Variants in MYADM observed in about 807,000 individuals in gnomAD.
MYADM encodes myeloid-associated differentiation marker.
For synonymous variants in MYADM, 224 were observed against 210.2 expected, an observed-to-expected ratio of 1.07 and a Z score of -0.57; for missense variants, 416 against 443.4, an observed-to-expected ratio of 0.94 and a Z score of 0.56.
At position 53,873,785 on chromosome 19, in the gene MYADM, G is replaced by C. The variant is rs372756587; in HGVS notation, c.256G>C (p.Glu86Gln). ...CGTGACCCTGATCATCCTCATCGTG[G>C]AGCTGTGCGGGCTCCAGGCCCGCTT... ...FSVTLIILIV[E>Q]LCGLQARFPL... The change falls in exon 3 of 3, where the codon GAG becomes CAG. Residue 86 changes from glutamate to glutamine, a missense_variant. By Grantham distance (29) the Glu-to-Gln change is conservative. Coordinates refer to ENST00000391770, the MANE Select transcript of MYADM (RefSeq NM_138373.5). This position sits in a 1 kb window ranked among gnomAD's most constrained non-coding sequence, Gnocchi z 4.3. The C allele has an allele frequency of 8.7e-6, 14 of 1,613,718 alleles. No homozygotes were observed. The highest frequency in any genetic ancestry group is 1.0e-5 in the Non-Finnish European group (12 of 1,180,040).
intron 2 of MYADM, chr19:53,872,574 A>C (rs2068414522): frequency 6.6e-6 from 1 of 151,608 alleles, no homozygotes; most frequent in Non-Finnish European, 1.5e-5. Flanking sequence ...CTGGTGCATC[A>C]CAGCTCACTG....
chr19:53,872,415 C>T (rs1018615710), intron 2 of MYADM, among the ~76,000 whole-genome samples: 6 of 151,964 alleles, frequency 3.9e-5, no homozygotes, highest in African/African-American at 1.5e-4. Flanking sequence ...AGGCTGGTCT[C>T]CAACTCCTGA....
chr19:53,874,383 A>G lies in MYADM; in HGVS notation c.854A>G (p.Tyr285Cys), dbSNP rs374645022. Residue 285 changes from tyrosine to cysteine, a missense_variant, in exon 3 of 3, where the codon TAC (tyrosine) becomes TGC (cysteine). Coordinates refer to ENST00000391770, the MANE Select transcript of MYADM (RefSeq NM_138373.5). ...RDVSCSRSHA[Y>C]YVCAWDRRLA... is the part of the protein sequence containing the mutation. ...GTAAGCTGCAGCCGCAGCCATGCCTACTACGTGTGTGCCTGGGACCGCCGA... is the reference window on the plus strand; with the variant it reads ...GTAAGCTGCAGCCGCAGCCATGCCTGCTACGTGTGTGCCTGGGACCGCCGA... 1.2e-6 allele frequency: 2 copies of G among 1,614,100 alleles called. No homozygotes were observed. Among genetic ancestry groups the G allele is most frequent in the African/African-American group, 1.3e-5 (1 of 74,946 alleles).
At position 53,873,357 on chromosome 19, in the gene MYADM, G is replaced by A. The variant is rs1473809884; in HGVS notation, c.-2-171G>A. Reference sequence around the variant, plus strand: ...AATGCACTCCAGCCTGGGCCACAGAGCAAGACTCTGTCTCAAAAAAAAAAA... The same window carrying A: ...AATGCACTCCAGCCTGGGCCACAGAACAAGACTCTGTCTCAAAAAAAAAAA... On this transcript the variant is annotated intron_variant, in intron 2 of 2. Transcript: ENST00000391770. The surrounding 1 kb of genome is among the most constrained non-coding windows in gnomAD (Gnocchi z 4.3). Among the ~76,000 whole-genome samples the A allele has an allele frequency of 6.7e-6, 1 of 149,874 alleles. No individual in the cohort carries two copies. The highest frequency in any genetic ancestry group is 1.5e-5 in the Non-Finnish European group (1 of 67,792).
chr19:53,871,175 G>T (rs1014852174), intron 2 of MYADM, among the ~76,000 whole-genome samples: 1 of 152,124 alleles, frequency 6.6e-6, no homozygotes, highest in African/African-American at 2.4e-5. Flanking sequence ...AGGTTGCCGT[G>T]AGTCAAGATC....
chr19:53,868,575 TGGGAAA>T lies in MYADM; in HGVS notation c.-88+635_-88+640del, dbSNP rs919840687. On this transcript the variant is annotated intron_variant, in intron 1 of 2. Transcript: ENST00000391770. This position sits in a 1 kb window ranked among gnomAD's most constrained non-coding sequence, Gnocchi z 6.3. ...CGTGCTTCCGAAGTGCAGAAGGAGCTGGGAAAGGAGGAGAAGACAGGGCTGCGTCCC... is the reference window on the plus strand; with the variant it reads ...CGTGCTTCCGAAGTGCAGAAGGAGCTGGAGGAGAAGACAGGGCTGCGTCCC... Among the ~76,000 whole-genome samples the T allele has an allele frequency of 6.6e-6, 1 of 151,834 alleles. No homozygotes were observed. Among genetic ancestry groups the T allele is most frequent in the African/African-American group, 2.4e-5 (1 of 41,304 alleles).
intron 1 of MYADM, chr19:53,869,430 G>A (rs1057466775): frequency 6.6e-6 from 1 of 152,406 alleles, no homozygotes; most frequent in Non-Finnish European, 1.5e-5. Context: ...CTTATAAGGC[G>A]CGGAGACACC....
In MYADM at chr19:53,873,625, G is replaced by A; in HGVS notation, c.96G>A (p.Leu32=). The A allele has an allele frequency of 6.2e-7, 1 of 1,614,178 alleles. No homozygotes were observed. The highest frequency in any genetic ancestry group is 8.5e-7 in the Non-Finnish European group (1 of 1,180,042). The change falls in exon 3 of 3, where the codon CTG becomes CTA. Residue 32 remains leucine (L), a synonymous_variant. Coordinates refer to ENST00000391770, the MANE Select transcript of MYADM (RefSeq NM_138373.5). This position sits in a 1 kb window ranked among gnomAD's most constrained non-coding sequence, Gnocchi z 4.3. ...TGATCGTGGGGTCCCCTCGGGCCCT[G>A]ACACAGCCCCTGGGTCTCCTTCGCC... ...SPMIVGSPRA[L]TQPLGLLRLL... is the part of the protein sequence containing the mutation.
intron 2 of MYADM, among the ~76,000 whole-genome samples, chr19:53,871,473 G>A (rs930192301): frequency 1.3e-5 from 2 of 152,170 alleles, no homozygotes; most frequent in African/African-American, 2.4e-5. Flanking sequence ...TCAGGTGGGA[G>A]TTAGACTGAG....
intron 2 of MYADM, among the ~76,000 whole-genome samples, chr19:53,872,017 G>A (rs2068399562): frequency 6.6e-6 from 1 of 151,974 alleles, no homozygotes; most frequent in East Asian, 1.9e-4. Flanking sequence ...TCCTGCCTCA[G>A]CCTCCCAAGT....
chr19:53,870,997 A>G (rs918061058), intron 2 of MYADM, among the ~76,000 whole-genome samples: 2 of 152,136 alleles, frequency 1.3e-5, no homozygotes, highest in African/African-American at 4.8e-5. Flanking sequence ...TTGGGAGGCC[A>G]AGGCGGGCGG....
chr19:53,867,261 C>T (rs1304383745), upstream of MYADM, among the ~76,000 whole-genome samples: 1 of 152,126 alleles, frequency 6.6e-6, no homozygotes, highest in African/African-American at 2.4e-5. Flanking sequence ...CCCAGAACCA[C>T]CTAAAGCCCA....
chr19:53,867,366 CT>C (rs2068260174), upstream of MYADM, among the ~76,000 whole-genome samples: 1 of 151,900 alleles, frequency 6.6e-6, no homozygotes, highest in African/African-American at 2.4e-5. Context: ...CCCCAATCCG[CT>C]GCGACCCAGG....
In MYADM at chr19:53,874,157, T is replaced by A; in HGVS notation, c.628T>A (p.Tyr210Asn). The A allele has an allele frequency of 6.2e-7, 1 of 1,613,834 alleles. No homozygotes were observed. The highest frequency in any genetic ancestry group is 1.1e-5 in the South Asian group (1 of 91,088). ...QPALEWCVAV[Y>N]AICFILAAIA... is the part of the protein sequence containing the mutation. ...GGCCCTGGAGTGGTGCGTGGCGGTG[T>A]ACGCCATCTGCTTCATCCTAGCGGC... Residue 210 changes from tyrosine (Y) to asparagine (N), a missense_variant, in exon 3 of 3, where the codon TAC becomes AAC. Tyr to Asn is a moderately radical substitution (Grantham distance 143, BLOSUM62 -2). Coordinates refer to ENST00000391770, the MANE Select transcript of MYADM (RefSeq NM_138373.5).
In MYADM at chr19:53,873,674, G is replaced by A. The variant is rs755445108; in HGVS notation, c.145G>A (p.Val49Met). The A allele has an allele frequency of 3.7e-6, 6 of 1,614,100 alleles. No homozygotes were observed. Among genetic ancestry groups the A allele is most frequent in the African/African-American group, 2.7e-5 (2 of 75,050 alleles). The change falls in exon 3 of 3, where the codon GTG becomes ATG. Residue 49 changes from valine (V) to methionine (M), a missense_variant. Coordinates refer to ENST00000391770, the MANE Select transcript of MYADM (RefSeq NM_138373.5). The surrounding 1 kb of genome is among the most constrained non-coding windows in gnomAD (Gnocchi z 4.3). Reference sequence around the variant, plus strand: ...CCTGCTGCAGCTGGTGTCTACCTGCGTGGCCTTCTCGCTGGTGGCTAGCGT... The same window carrying A: ...CCTGCTGCAGCTGGTGTCTACCTGCATGGCCTTCTCGCTGGTGGCTAGCGT... ...LRLLQLVSTC[V>M]AFSLVASVGA...
In MYADM at chr19:53,868,521, C is replaced by A. The variant is rs1344277942; in HGVS notation, c.-88+578C>A. ...TCGGAACTTTGGGCTCCTGAAAGGC[C>A]GAGGGAGGGGGGTGTTAAGATCCAG... On this transcript the variant is annotated intron_variant, in intron 1 of 2. Transcript: ENST00000391770. This position sits in a 1 kb window ranked among gnomAD's most constrained non-coding sequence, Gnocchi z 6.3. 6.6e-6 allele frequency among the ~76,000 whole-genome samples: 1 copy of A among 151,956 alleles called. No individual in the cohort carries two copies. Among genetic ancestry groups the A allele is most frequent in the East Asian group, 1.9e-4 (1 of 5,158 alleles).
rs756691700 is a variant in MYADM at position 53,873,570 on chromosome 19, C to T, written c.41C>T (p.Thr14Met). ...TVTRTTITTT[T>M]TSSSGLGSPM... Reference sequence around the variant, plus strand: ...ACCCGCACCACCATCACAACCACCACGACGTCATCTTCGGGCCTGGGGTCC... The same window carrying T: ...ACCCGCACCACCATCACAACCACCATGACGTCATCTTCGGGCCTGGGGTCC... The change falls in exon 3 of 3, where the codon ACG becomes ATG. Residue 14 changes from threonine (T) to methionine (M), a missense_variant. Physicochemically the swap from Thr to Met is moderately conservative, Grantham distance 81. Transcript: ENST00000391770. This position sits in a 1 kb window ranked among gnomAD's most constrained non-coding sequence, Gnocchi z 4.3. 6.2e-6 allele frequency: 10 copies of T among 1,611,658 alleles called. No individual in the cohort carries two copies. The highest frequency in any genetic ancestry group is 2.2e-5 in the East Asian group (1 of 44,808).
At chr19:53,872,413 C>G (rs1037332149) in intron 2 of MYADM, among the ~76,000 whole-genome samples, 1 of 152,060 alleles carries the variant, frequency 6.6e-6, no homozygotes, top group Admixed American at 6.6e-5. Context: ...CCAGGCTGGT[C>G]TCCAACTCCT....
At chr19:53,870,606 C>G (rs1464043402) in intron 2 of MYADM, among the ~76,000 whole-genome samples, 1 of 152,158 alleles carries the variant, frequency 6.6e-6, no homozygotes, top group African/African-American at 2.4e-5. Flanking sequence ...TCTCAGGGAG[C>G]TGCTGTCCTG....
Sources: gnomAD v4.1 joint callset for allele counts (sites outside exome capture counted in the v4.1 genomes callset) on GRCh38, gnomAD v4.1.1 for gene constraint, Gnocchi (gnomAD v3.1) non-coding constraint, MANE v1.5 for transcripts, NCBI Gene and HGNC (gene_info 2026-07-23, HGNC 2026-07-21) for gene names.